NUTF2: variants seen among roughly 807,000 people sequenced by gnomAD.
The protein encoded by NUTF2 is nuclear transport factor 2, also known as placental protein 15.
A neutral mutation model predicts 18.5 loss-of-function variants in NUTF2; 3 were observed. The ratio of observed to expected loss-of-function variants is 0.16; its 90% CI spans 0.07 to 0.42. NUTF2 has a LOEUF of 0.42. Ranked by LOEUF, NUTF2 falls within the 10% of genes least tolerant of loss-of-function variation. The probability of loss-of-function intolerance (pLI) is 0.99; values close to 1 mark genes in which losing one functional copy is unlikely to be tolerated. For synonymous variants in NUTF2, 51 were observed against 57.9 expected, an observed-to-expected ratio of 0.88 and a Z score of 0.54; for missense variants, 44 against 160.7, an observed-to-expected ratio of 0.27 and a Z score of 3.93.
chr16:67,855,891 G>T (rs578164898), intron 1 of NUTF2: 49 of 430,738 alleles, frequency 1.1e-4, no homozygotes, highest in East Asian at 1.6e-4. Context: ...TTTTGGCGGG[G>T]GGGGGGGATG....
intron 1 of NUTF2, among the ~76,000 whole-genome samples, chr16:67,858,749 C>T (rs2057914731): frequency 6.6e-6 from 1 of 152,116 alleles, no homozygotes; most frequent in Non-Finnish European, 1.5e-5. Context: ...GACTTTGTTC[C>T]AGGTGCCATG....
chr16:67,848,005 C>G (rs892356360), intron 1 of NUTF2, among the ~76,000 whole-genome samples: 2 of 152,162 alleles, frequency 1.3e-5, no homozygotes, highest in Non-Finnish European at 2.9e-5. Flanking sequence ...GTCTGGCTTC[C>G]CCTCACTTGC....
intron 4 of NUTF2, 35 bp from the exon 5 acceptor site, chr16:67,870,765 A>C: frequency 1.3e-6 from 2 of 1,531,710 alleles, no homozygotes; most frequent in Non-Finnish European, 1.8e-6. Flanking sequence ...CTGTTTCTTG[A>C]TCCCCTTACT....
intron 1 of NUTF2, among the ~76,000 whole-genome samples, chr16:67,862,557 A>G (rs2057941968): frequency 6.6e-6 from 1 of 152,136 alleles, no homozygotes; most frequent in Non-Finnish European, 1.5e-5. Context: ...ATCACAGGCC[A>G]GTTATGGTGG....
At chr16:67,855,908 A>C in intron 1 of NUTF2, 2 of 515,734 alleles carry the variant, frequency 3.9e-6, no homozygotes, top group South Asian at 3.3e-5. Context: ...GATGGGGGAA[A>C]TGAGAATAAC....
At chr16:67,863,647 T>A (rs1403407384) in intron 1 of NUTF2, among the ~76,000 whole-genome samples, 2 of 152,152 alleles carry the variant, frequency 1.3e-5, no homozygotes, top group African/African-American at 4.8e-5. Flanking sequence ...AGAAGGGCAG[T>A]GACTTGCATC....
intron 1 of NUTF2, among the ~76,000 whole-genome samples, chr16:67,849,975 A>G (rs955472525): frequency 1.5e-4 from 23 of 151,194 alleles, no homozygotes; most frequent in African/African-American, 5.1e-4. Flanking sequence ...TATTTTTTGC[A>G]GTGATGTCAT....
At chr16:67,867,407 A>G (rs551008116) in intron 2 of NUTF2, among the ~76,000 whole-genome samples, 1 of 152,244 alleles carries the variant, frequency 6.6e-6, no homozygotes, top group Non-Finnish European at 1.5e-5. Context: ...CAGAGAAATA[A>G]CTTACTTAAT....
intron 2 of NUTF2, among the ~76,000 whole-genome samples, chr16:67,866,581 T>C (rs1283253859): frequency 1.3e-5 from 2 of 152,096 alleles, no homozygotes; most frequent in African/African-American, 4.8e-5. Context: ...TTCTCCCATC[T>C]CAGCCTCCCA....
intron 1 of NUTF2, among the ~76,000 whole-genome samples, chr16:67,850,234 G>A (rs926141569): frequency 4.1e-5 from 6 of 145,466 alleles, no homozygotes; most frequent in Non-Finnish European, 6.0e-5. Flanking sequence ...AGATGGAGTC[G>A]TACTCTGTCT....
At chr16:67,850,062 G>T (rs2057841390) in intron 1 of NUTF2, among the ~76,000 whole-genome samples, 1 of 152,148 alleles carries the variant, frequency 6.6e-6, no homozygotes, top group African/African-American at 2.4e-5. Flanking sequence ...AAAGTGCTGG[G>T]ATTACAGATG....
In NUTF2 at chr16:67,851,594, A is replaced by G. The variant is rs191136807; in HGVS notation, c.-30+4609A>G. Among the ~76,000 whole-genome samples the G allele has an allele frequency of 3.3e-5, 5 of 152,118 alleles. No individual in the cohort carries two copies. In the East Asian group the frequency reaches 7.7e-4, roughly 23 times the overall value. ...CATATGTATACATAACGCCATGTTG[A>G]TGTGCTGCACCCATTAACTCGTCAT... On this transcript the variant is annotated intron_variant, in intron 1 of 4. Coordinates refer to ENST00000219169, the MANE Select transcript of NUTF2 (RefSeq NM_005796.3).
chr16:67,869,747 T>C (rs1440231580), intron 4 of NUTF2, among the ~76,000 whole-genome samples: 1 of 152,140 alleles, frequency 6.6e-6, no homozygotes, highest in East Asian at 1.9e-4. Context: ...ATTGCACCAT[T>C]GCACTCTAGC....
intron 1 of NUTF2, among the ~76,000 whole-genome samples, chr16:67,856,716 G>A (rs1174350502): frequency 1.3e-5 from 2 of 151,306 alleles, no homozygotes; most frequent in African/African-American, 2.4e-5. Flanking sequence ...CATCATGTTG[G>A]CCAGGCTGGT....
chr16:67,869,542 T>G (rs925258996), intron 4 of NUTF2, among the ~76,000 whole-genome samples: 3 of 151,038 alleles, frequency 2.0e-5, no homozygotes, highest in Non-Finnish European at 4.4e-5. Context: ...TCCCAGCACT[T>G]TGGGAGGCCG....
At chr16:67,853,433 C>T (rs1777808076) in intron 1 of NUTF2, among the ~76,000 whole-genome samples, 1 of 152,210 alleles carries the variant, frequency 6.6e-6, no homozygotes, top group Admixed American at 6.5e-5. Context: ...TCTCGGCTCA[C>T]AGCATCCTCC....
rs546631293 is a variant in NUTF2, at chr16:67,855,007, GGTTT to G, written c.-30+8027_-30+8030del. On this transcript the variant is annotated intron_variant, in intron 1 of 4. Transcript: ENST00000219169. ...TGAGCCGAACCTTGTGCTGGGTGCT[GGTTT>G]GTTTTTTTTTTTAATTAATGTTTTG... 1.7e-4 allele frequency among the ~76,000 whole-genome samples: 26 copies of G among 151,942 alleles called. No individual in the cohort carries two copies. In the South Asian group the frequency reaches 4.8e-3, roughly 28 times the overall value.
chr16:67,860,138 C>T (rs1439622308), intron 1 of NUTF2, among the ~76,000 whole-genome samples: 1 of 152,032 alleles, frequency 6.6e-6, no homozygotes, highest in African/African-American at 2.4e-5. Flanking sequence ...TGCCACCACG[C>T]CCAGCTAATT....
At position 67,846,966 on chromosome 16, in the gene NUTF2, C is replaced by CTGCCGT. The variant is rs1225078927; in HGVS notation, c.-49_-48insTGCCGT. Reference sequence around the variant, plus strand: ...CGCTGGGTTGCCGCTGCCGCTGCCGCCATCGTGCCAGCCCCTCGGGTGAGT... The same window carrying CTGCCGT: ...CGCTGGGTTGCCGCTGCCGCTGCCGCTGCCGTCATCGTGCCAGCCCCTCGGGTGAGT... On this transcript the variant is annotated 5_prime_UTR_variant, in exon 1 of 5. Transcript: ENST00000219169. The CTGCCGT allele has an allele frequency of 6.6e-6, 1 of 152,470 alleles. No individual in the cohort carries two copies. Among genetic ancestry groups the CTGCCGT allele is most frequent in the Non-Finnish European group, 1.5e-5 (1 of 68,264 alleles). 9.4% of individuals were successfully genotyped at this position (152,470 alleles called of 1,614,324 possible).
Sources: gnomAD v4.1 joint callset for allele counts (sites outside exome capture counted in the v4.1 genomes callset) on GRCh38, gnomAD v4.1.1 for gene constraint, MANE v1.5 for transcripts, NCBI Gene and HGNC (gene_info 2026-07-23, HGNC 2026-07-21) for gene names.